The following SAMSN1 variants were observed in gnomAD, a reference collection of about 807,000 sequenced individuals.
SAMSN1 encodes the protein SAM domain-containing protein SAMSN-1.
In SAMSN1, 31 loss-of-function variants were observed where a neutral mutation model predicts 42.0. That is an observed-to-expected ratio of 0.74 (90% confidence interval 0.55 to 1.00). The LOEUF is 1.00. Among genes scored for constraint, SAMSN1 ranks in the 50% least tolerant of loss-of-function variants. SAMSN1 has a pLI of 0.00. For missense variants in SAMSN1, 464 were observed against 439.4 expected (o/e 1.06, Z -0.50); for synonymous variants, 178 against 151.9 (o/e 1.17, Z -1.26).
At chr21:14,591,281 T>A (rs1982076375) in intron 7 of SAMSN1, 1 of 152,178 alleles carries the variant, frequency 6.6e-6, no homozygotes, top group Non-Finnish European at 1.5e-5. Context: ...AAATATATTC[T>A]CCTGGAAGGC....
chr21:14,621,303 C>G (rs1982997558), intron 2 of SAMSN1, among the ~76,000 whole-genome samples: 1 of 152,164 alleles, frequency 6.6e-6, no homozygotes. Flanking sequence ...GCTTGTCAGA[C>G]AGTGGGTGCA....
intron 2 of SAMSN1, among the ~76,000 whole-genome samples, chr21:14,520,720 C>T (rs1233551933): frequency 2.0e-5 from 3 of 152,068 alleles, no homozygotes; most frequent in Admixed American, 1.3e-4. Context: ...TTAATAATGC[C>T]CACCTGTGCA....
At chr21:14,529,659 A>T (rs898179176) in intron 1 of SAMSN1, among the ~76,000 whole-genome samples, 2 of 152,224 alleles carry the variant, frequency 1.3e-5, no homozygotes, top group Admixed American at 6.5e-5. Context: ...ATTCCAAACC[A>T]TAAGAGCTAA....
intron 2 of SAMSN1, among the ~76,000 whole-genome samples, chr21:14,578,521 A>G (rs112452390): frequency 0.2 from 30,548 of 151,596 alleles, 3,240 homozygotes; most frequent in Admixed American, 0.29. Context: ...CATCTCTACT[A>G]AAAATACAAA....
intron 2 of SAMSN1, among the ~76,000 whole-genome samples, chr21:14,640,623 G>C (rs1354504556): frequency 6.7e-6 from 1 of 149,606 alleles, no homozygotes; most frequent in African/African-American, 2.5e-5. Flanking sequence ...ACCATTAACT[G>C]GGGATACTAA....
At chr21:14,622,774 A>G (rs1485969385) in intron 2 of SAMSN1, among the ~76,000 whole-genome samples, 1 of 152,216 alleles carries the variant, frequency 6.6e-6, no homozygotes, top group Non-Finnish European at 1.5e-5. Context: ...AGAGAATGCC[A>G]CAAAGATACT....
intron 2 of SAMSN1, among the ~76,000 whole-genome samples, chr21:14,579,102 A>G (rs908289606): frequency 3.3e-5 from 5 of 152,178 alleles, no homozygotes; most frequent in Non-Finnish European, 7.4e-5. Context: ...TGTAGAATAC[A>G]AAAATAATAA....
At chr21:14,569,992 C>CA (rs896624629) in intron 2 of SAMSN1, among the ~76,000 whole-genome samples, 21 of 151,916 alleles carry the variant, frequency 1.4e-4, no homozygotes, top group African/African-American at 5.1e-4. Flanking sequence ...TTTCCCCCCC[C>CA]CCAGTTTTTC....
chr21:14,532,792 ACAAAT>A (rs1200852215), intron 1 of SAMSN1, among the ~76,000 whole-genome samples: 1 of 152,160 alleles, frequency 6.6e-6, no homozygotes, highest in African/African-American at 2.4e-5. Context: ...GTCCTAACAT[ACAAAT>A]CAAACAAAAG....
intron 1 of SAMSN1, among the ~76,000 whole-genome samples, chr21:14,525,002 T>A (rs1978748692): frequency 1.3e-5 from 2 of 152,236 alleles, no homozygotes; most frequent in Non-Finnish European, 2.9e-5. Context: ...AATCTGCCTT[T>A]CCTGTATGAA....
At chr21:14,586,262 C>CAAAAAAAA (rs67482796), upstream of SAMSN1, among the ~76,000 whole-genome samples, 35 of 50,548 alleles carry the variant, frequency 6.9e-4, no homozygotes, top group Non-Finnish European at 7.5e-4. Context: ...GACTCCATCT[C>CAAAAAAAA]AAAAAAAAAA....
At chr21:14,540,540 C>A (rs1182250337) in intron 1 of SAMSN1, among the ~76,000 whole-genome samples, 1 of 152,164 alleles carries the variant, frequency 6.6e-6, no homozygotes, top group Non-Finnish European at 1.5e-5. Flanking sequence ...AAATGCTCAT[C>A]ATCACTGGCC....
intron 2 of SAMSN1, among the ~76,000 whole-genome samples, chr21:14,578,668 G>T (rs992898998): frequency 7.8e-6 from 1 of 128,242 alleles, no homozygotes; most frequent in Non-Finnish European, 1.6e-5. Flanking sequence ...GGGCGACAGG[G>T]TGAGAATCCA....
At chr21:14,618,681 TGTGTGTGTGTGC>T (rs759217863) in intron 2 of SAMSN1, among the ~76,000 whole-genome samples, 2,273 of 79,962 alleles carry the variant, frequency 0.028, 28 homozygotes, top group Middle Eastern at 0.044. Flanking sequence ...TGTGTGTGTG[TGTGTGTGTGTGC>T]GCGCGCGCGC....
chr21:14,625,454 A>G (rs920139123), intron 2 of SAMSN1, among the ~76,000 whole-genome samples: 40 of 152,352 alleles, frequency 2.6e-4, no homozygotes, highest in African/African-American at 9.6e-4. Context: ...ATCAATGTAC[A>G]AAAATCACAA....
intron 6 of SAMSN1, 103 bp from the exon 7 acceptor site, chr21:14,498,695 G>T: frequency 3.6e-6 from 3 of 840,454 alleles, no homozygotes; most frequent in South Asian, 4.3e-5. Flanking sequence ...GGGGACCAAA[G>T]GTGCCAATAG....
intron 2 of SAMSN1, among the ~76,000 whole-genome samples, chr21:14,618,372 G>A (rs1170276791): frequency 1.3e-5 from 2 of 152,180 alleles, no homozygotes; most frequent in African/African-American, 4.8e-5. Flanking sequence ...ATGAGGAAGA[G>A]GGATTACTTA....
At chr21:14,553,563 C>T (rs1222061078) in intron 2 of SAMSN1, among the ~76,000 whole-genome samples, 4 of 152,194 alleles carry the variant, frequency 2.6e-5, no homozygotes, top group Non-Finnish European at 5.9e-5. Flanking sequence ...AGTCTCACAT[C>T]ATGTTTCTTT....
intron 1 of SAMSN1, among the ~76,000 whole-genome samples, chr21:14,533,567 C>T (rs781701437): frequency 3.9e-4 from 60 of 152,218 alleles, no homozygotes; most frequent in Admixed American, 9.8e-4. Flanking sequence ...CAGGGTCACG[C>T]CCTCACCTCA....
Sources: gnomAD v4.1 joint callset for allele counts (sites outside exome capture counted in the v4.1 genomes callset) on GRCh38, gnomAD v4.1.1 for gene constraint, MANE v1.5 for transcripts, NCBI Gene and HGNC (gene_info 2026-07-23, HGNC 2026-07-21) for gene names.